FILIP1: variants seen among roughly 807,000 people sequenced by gnomAD.
FILIP1 encodes filamin A interacting protein 1.
A neutral mutation model predicts 102.1 loss-of-function variants in FILIP1; 61 were observed. That is an observed-to-expected ratio of 0.60 (90% confidence interval 0.49 to 0.74). The LOEUF is 0.74. Among genes scored for constraint, FILIP1 ranks in the 30% least tolerant of loss-of-function variants. The probability of loss-of-function intolerance (pLI) is 0.00; values close to 1 mark genes in which losing one functional copy is unlikely to be tolerated. For missense variants in FILIP1, 1,314 were observed against 1,441.2 expected (o/e 0.91, Z 1.43); for synonymous variants, 491 against 526.9 (o/e 0.93, Z 0.93).
chr6:75,436,655 G>A (rs1582503747), intron 1 of FILIP1, among the ~76,000 whole-genome samples: 3 of 152,224 alleles, frequency 2.0e-5, no homozygotes, highest in South Asian at 2.1e-4. Flanking sequence ...TTTTGATGAC[G>A]AGACAGGTGG....
chr6:75,318,961 A>G, intron 4 of FILIP1: 2 of 571,666 alleles, frequency 3.5e-6, no homozygotes, highest in Non-Finnish European at 6.2e-6. Flanking sequence ...TTTCTTTAAA[A>G]AGAGTGAGTT....
chr6:75,425,118 C>T (rs1582484533), intron 1 of FILIP1, among the ~76,000 whole-genome samples: 1 of 152,148 alleles, frequency 6.6e-6, no homozygotes, highest in Non-Finnish European at 1.5e-5. Context: ...ATAGCTACTA[C>T]ATAAACCAAG....
At chr6:75,382,990 C>G (rs540233778) in intron 2 of FILIP1, among the ~76,000 whole-genome samples, 26 of 152,288 alleles carry the variant, frequency 1.7e-4, no homozygotes, top group African/African-American at 6.0e-4. Context: ...AGAGTCTTCA[C>G]CTATGTTTTC....
intron 4 of FILIP1, among the ~76,000 whole-genome samples, chr6:75,345,060 T>C (rs1774531606): frequency 2.0e-5 from 3 of 152,226 alleles, no homozygotes; most frequent in Admixed American, 2.0e-4. Flanking sequence ...TCAAATACTG[T>C]CCTCCACTGT....
chr6:75,300,134 A>C (rs1308032353), intron 6 of FILIP1, among the ~76,000 whole-genome samples: 1 of 152,174 alleles, frequency 6.6e-6, no homozygotes, highest in Non-Finnish European at 1.5e-5. Context: ...TAAAAAAAAA[A>C]CATTCTTCTC....
chr6:75,410,555 C>T (rs375211412), intron 2 of FILIP1, among the ~76,000 whole-genome samples: 20 of 152,240 alleles, frequency 1.3e-4, no homozygotes, highest in African/African-American at 4.8e-4. Flanking sequence ...CCTTGCCCTG[C>T]AACCTCTGAC....
rs562662236 is a variant in FILIP1 at position 75,474,643 on chromosome 6, C to A, written c.-7+18771G>T. On this transcript the variant is annotated intron_variant, in intron 1 of 5. Coordinates refer to ENST00000237172, the MANE Select transcript of FILIP1 (RefSeq NM_015687.5). ...CAGTGAGTGAGCTGTACATTAGGTTCCCCAGAGCTTCCTTTTTCCATGAAA... is the reference window on the plus strand; with the variant it reads ...CAGTGAGTGAGCTGTACATTAGGTTACCCAGAGCTTCCTTTTTCCATGAAA... Among the ~76,000 whole-genome samples the A allele has an allele frequency of 3.9e-5, 6 of 152,226 alleles. No individual in the cohort carries two copies. In the South Asian group the frequency reaches 1.2e-3, roughly 32 times the overall value.
intron 2 of FILIP1, among the ~76,000 whole-genome samples, chr6:75,396,748 T>C (rs1021508728): frequency 2.0e-5 from 3 of 152,084 alleles, no homozygotes; most frequent in African/African-American, 7.2e-5. Context: ...CAATTAGTTC[T>C]GGAGTGAGAA....
downstream of FILIP1, among the ~76,000 whole-genome samples, chr6:75,303,432 C>A (rs1350130497): frequency 6.6e-6 from 1 of 152,082 alleles, no homozygotes; most frequent in Non-Finnish European, 1.5e-5. Flanking sequence ...ACAAGGGAAA[C>A]TGAAGCAGAG....
Position 75,318,688 on chromosome 6 carries a change from C to T in FILIP1, c.630-3486G>A, listed in dbSNP as rs1205369174. ...TCAGTTAACAGAACAACAATTATTT[C>T]GTATAAGCTGCATCAGAGACAACTG... is the stretch of plus-strand genomic sequence containing the variant. On this transcript the variant is annotated intron_variant, in intron 4 of 5. Transcript: ENST00000237172. 3.9e-5 allele frequency among the ~76,000 whole-genome samples: 6 copies of T among 152,194 alleles called. No homozygotes were observed. The South Asian group carries it at 6.2e-4, about 16-fold the overall frequency.
intron 4 of FILIP1, among the ~76,000 whole-genome samples, chr6:75,351,371 C>T (rs935981474): frequency 6.6e-6 from 1 of 152,080 alleles, no homozygotes; most frequent in Non-Finnish European, 1.5e-5. Flanking sequence ...CCACAGAATA[C>T]TTTTATATTC....
intron 1 of FILIP1, among the ~76,000 whole-genome samples, chr6:75,434,363 G>A (rs572642423): frequency 1.3e-5 from 2 of 152,094 alleles, no homozygotes; most frequent in South Asian, 2.1e-4. Flanking sequence ...CTCTTATTTC[G>A]TTGAGCACTG....
intron 1 of FILIP1, among the ~76,000 whole-genome samples, chr6:75,470,044 A>T (rs1302554942): frequency 6.6e-6 from 1 of 152,140 alleles, no homozygotes; most frequent in Admixed American, 6.5e-5. Flanking sequence ...GTTACTATTC[A>T]ACATTAGACT....
At position 75,312,960 on chromosome 6, in the gene FILIP1, G is replaced by A. The variant is rs902155548; in HGVS notation, c.2872C>T (p.Pro958Ser). ...TTTTGTTTTTGAGGCATAACGTTTG[G>A]TGATGGAATAATGGTTATTCTTGGT... Reference protein sequence around the residue: ...QKPRITIIPSPNVMPQKQKSG... With the variant: ...QKPRITIIPSSNVMPQKQKSG... The change falls in exon 5 of 6, where the codon CCA becomes TCA. Residue 958 changes from proline (P) to serine (S), a missense_variant. Pro to Ser is a moderately conservative substitution (Grantham distance 74). Coordinates refer to ENST00000237172, the MANE Select transcript of FILIP1 (RefSeq NM_015687.5). 18 of 1,614,042 alleles carry A rather than the reference G, an allele frequency of 1.1e-5. No homozygotes were observed. The highest frequency in any genetic ancestry group is 1.6e-4 in the Middle Eastern group (1 of 6,082).
At chr6:75,468,055 G>T (rs1248524316) in intron 1 of FILIP1, among the ~76,000 whole-genome samples, 1 of 152,206 alleles carries the variant, frequency 6.6e-6, no homozygotes, top group Non-Finnish European at 1.5e-5. Flanking sequence ...GCCCTGAATA[G>T]CTGGAGCTAC....
At chr6:75,327,776 A>C (rs1262468410) in intron 4 of FILIP1, among the ~76,000 whole-genome samples, 3 of 151,982 alleles carry the variant, frequency 2.0e-5, no homozygotes, top group Non-Finnish European at 4.4e-5. Context: ...TACTATTGAT[A>C]AATAAAGAGG....
At chr6:75,395,058 T>C (rs574173977) in intron 2 of FILIP1, among the ~76,000 whole-genome samples, 4 of 152,198 alleles carry the variant, frequency 2.6e-5, no homozygotes, top group African/African-American at 9.6e-5. Flanking sequence ...GTCACTGAAA[T>C]GAATGTAAAA....
rs546303617 is a variant in FILIP1 at position 75,334,081 on chromosome 6, A to T, written c.630-18879T>A. On this transcript the variant is annotated intron_variant, in intron 4 of 5. Transcript: ENST00000237172. ...AATCCACATGACAACAACAACAATA[A>T]CAACAAACCTTTGGGAAGAATATTT... Among the ~76,000 whole-genome samples, 7 of 152,306 alleles carry T rather than the reference A, an allele frequency of 4.6e-5. No homozygotes were observed. In the South Asian group the frequency reaches 6.2e-4, roughly 14 times the overall value.
intron 1 of FILIP1, among the ~76,000 whole-genome samples, chr6:75,430,076 TG>T (rs1489683809): frequency 6.6e-6 from 1 of 152,162 alleles, no homozygotes; most frequent in Non-Finnish European, 1.5e-5. Context: ...GATTGGATCA[TG>T]GGGGCATTTT....
Sources: gnomAD v4.1 joint callset for allele counts (sites outside exome capture counted in the v4.1 genomes callset) on GRCh38, gnomAD v4.1.1 for gene constraint, MANE v1.5 for transcripts, NCBI Gene and HGNC (gene_info 2026-07-23, HGNC 2026-07-21) for gene names.